PHKA2: variants seen among roughly 807,000 people sequenced by gnomAD.
PHKA2 encodes the protein phosphorylase kinase regulatory subunit alpha 2.
Under a neutral mutation model 102.0 loss-of-function variants are expected in PHKA2, and 31 were observed. The ratio of observed to expected loss-of-function variants is 0.30; its 90% CI spans 0.23 to 0.41. PHKA2 has a LOEUF of 0.41. PHKA2 is among the 10% of genes least tolerant of loss of function. PHKA2 has a pLI of 1.00. For missense variants in PHKA2, 858 were observed against 1,023.1 expected, an observed-to-expected ratio of 0.84 and a Z score of 2.20; for synonymous variants, 455 against 416.2, an observed-to-expected ratio of 1.09 and a Z score of -1.13.
chrX:18,948,641 C>T (rs1450339232), intron 5 of PHKA2, 103 bp downstream of exon 5: 3 of 562,185 alleles, frequency 5.3e-6, no homozygotes, highest in Non-Finnish European at 9.5e-6. Context: ...GTCTCGCTAA[C>T]CTTTTGGTGA....
intron 20 of PHKA2, among the ~76,000 whole-genome samples, chrX:18,909,843 T>C (rs2047892327): frequency 8.9e-6 from 1 of 112,386 alleles, no homozygotes; most frequent in Non-Finnish European, 1.9e-5. Flanking sequence ...TCACAAGAGC[T>C]AAGGAGGGGT....
chrX:18,944,931 G>A (rs2048554036), intron 6 of PHKA2, 147 bp downstream of exon 6: 1 of 522,018 alleles, frequency 1.9e-6, no homozygotes, highest in Non-Finnish European at 3.5e-6. Context: ...TCAGGTGGCT[G>A]GGGTAACTGT....
intron 19 of PHKA2, among the ~76,000 whole-genome samples, chrX:18,915,894 G>A (rs2147884449): frequency 9.0e-6 from 1 of 111,481 alleles, no homozygotes; most frequent in South Asian, 3.8e-4. Flanking sequence ...CAGAAAGAAA[G>A]AACAGAGAAA....
intron 1 of PHKA2, among the ~76,000 whole-genome samples, chrX:18,973,189 G>A (rs1481471264): frequency 1.7e-4 from 19 of 111,317 alleles, no homozygotes; most frequent in African/African-American, 6.2e-4. Flanking sequence ...ATTTTTAGTA[G>A]AGACGGGGTT....
At chrX:18,938,528 A>G in intron 10 of PHKA2, 99 bp downstream of exon 10, 1 of 886,140 alleles carries the variant, frequency 1.1e-6, no homozygotes. Flanking sequence ...GATAACCGAA[A>G]CAGTGACCTA....
chrX:18,917,360 G>A (rs967653155), intron 19 of PHKA2, among the ~76,000 whole-genome samples: 1 of 108,510 alleles, frequency 9.2e-6, no homozygotes, highest in Non-Finnish European at 1.9e-5. Context: ...CCGGGTTCAA[G>A]TGCTTCTTCT....
At chrX:18,938,577 T>C (rs1601757923) in intron 10 of PHKA2, 50 bp downstream of exon 10, 3 of 1,123,552 alleles carry the variant, frequency 2.7e-6, no homozygotes, top group Admixed American at 2.2e-5. Context: ...ATAATCAGTA[T>C]ACCAGTGGAA....
intron 19 of PHKA2, among the ~76,000 whole-genome samples, chrX:18,917,020 A>G (rs942311107): frequency 3.7e-5 from 4 of 108,891 alleles, no homozygotes; most frequent in Non-Finnish European, 5.7e-5. Flanking sequence ...GACTACAGGC[A>G]TGTGCCACCA....
chrX:18,899,169 T>C lies in PHKA2; in HGVS notation c.3111+4A>G. 1 of 1,205,541 alleles carries C rather than the reference T, an allele frequency of 8.3e-7. No homozygotes were observed. Among genetic ancestry groups the C allele is most frequent in the Non-Finnish European group, 1.1e-6 (1 of 889,917 alleles). The stretch of plus-strand genomic sequence containing the variant: ...CGGACACAATAATCCCGAGGCACTG[T>C]TACCGCAGACTTGGAGGAATGCGCA... On this transcript the variant is annotated splice_donor_region_variant and intron_variant, in intron 29 of 32. Transcript: ENST00000379942.
chrX:18,963,027 T>G (rs1311523455), intron 1 of PHKA2, among the ~76,000 whole-genome samples: 1 of 112,814 alleles, frequency 8.9e-6, no homozygotes, highest in African/African-American at 3.2e-5. Context: ...AATTTTTCCC[T>G]TTACTGAACT....
chrX:18,893,184 C>A lies in PHKA2; in HGVS notation c.*301G>T. ...AGTTCCCTCTGCACTCAAAAGAGAC[C>A]AATTTCCAATTCCTCCTCAGAGTCC... On this transcript the variant is annotated 3_prime_UTR_variant, in exon 33 of 33. Transcript: ENST00000379942. The A allele has an allele frequency of 2.7e-6, 1 of 363,806 alleles. No individual in the cohort carries two copies. The highest frequency in any genetic ancestry group is 4.9e-6 in the Non-Finnish European group (1 of 204,889). 30.0% of individuals were successfully genotyped at this position (363,806 alleles called of 1,213,427 possible).
Position 18,893,440 on chromosome X carries a change from G to T in PHKA2, c.*45C>A. 2.6e-6 allele frequency: 3 copies of T among 1,165,310 alleles called. No individual in the cohort carries two copies. Among genetic ancestry groups the T allele is most frequent in the Non-Finnish European group, 3.5e-6 (3 of 853,505 alleles). On this transcript the variant is annotated 3_prime_UTR_variant, in exon 33 of 33. Transcript: ENST00000379942. ...CAGAAGGTTCCCAGTAAGGCTAGGG[G>T]GCACGTGACAGATTGAGAGTGTGAT...
At chrX:18,897,104 G>A in intron 30 of PHKA2, 59 bp downstream of exon 30, 3 of 1,156,016 alleles carry the variant, frequency 2.6e-6, no homozygotes, top group Non-Finnish European at 3.5e-6. Context: ...GTGCCACCAT[G>A]CCTTGCCAGG....
intron 17 of PHKA2, among the ~76,000 whole-genome samples, chrX:18,922,115 A>C (rs760088627): frequency 9.0e-6 from 1 of 111,290 alleles, no homozygotes; most frequent in Admixed American, 9.5e-5. Flanking sequence ...GTGTGGTGGC[A>C]CATGCCTGTG....
chrX:18,942,256 T>C (rs900337972), intron 7 of PHKA2, among the ~76,000 whole-genome samples: 16 of 111,722 alleles, frequency 1.4e-4, no homozygotes, highest in African/African-American at 4.6e-4. Flanking sequence ...CAATTATAAA[T>C]AAGTGGCTGG....
chrX:18,912,871 A>G (rs1323352232), intron 19 of PHKA2, among the ~76,000 whole-genome samples: 2 of 110,878 alleles, frequency 1.8e-5, no homozygotes, highest in African/African-American at 6.6e-5. Context: ...AGATCATGCC[A>G]TTGCACTCCA....
At chrX:18,901,657 G>A (rs1315518978) in intron 26 of PHKA2, 54 bp from the exon 27 acceptor site, 13 of 836,734 alleles carry the variant, frequency 1.6e-5, no homozygotes, top group South Asian at 1.0e-4. Flanking sequence ...CATCCAACCC[G>A]AGGCAGGATC....
Position 18,983,994 on chromosome X carries a change from G to C in PHKA2, c.-62C>G, listed in dbSNP as rs1249423204. ...CGCGTGGGCGCGGGACGTCGGGGCT[G>C]TGGCCTCCAAGCGGGTCTGGTTCCC... On this transcript the variant is annotated 5_prime_UTR_variant, in exon 1 of 33. Transcript: ENST00000379942. The C allele has an allele frequency of 1.0e-6, 1 of 983,107 alleles. No individual in the cohort carries two copies. Among genetic ancestry groups the C allele is most frequent in the African/African-American group, 1.9e-5 (1 of 53,420 alleles). The allele number at this position is 983,107 out of a possible 1,213,427, so 81.0% of individuals were successfully genotyped here.
intron 11 of PHKA2, among the ~76,000 whole-genome samples, 160 bp from the exon 12 acceptor site, chrX:18,931,908 G>A: frequency 8.9e-6 from 1 of 112,533 alleles, no homozygotes; most frequent in Non-Finnish European, 1.9e-5. Context: ...CTTCCTCGGG[G>A]CTGCAAGGCT....
Sources: gnomAD v4.1 joint callset for allele counts (sites outside exome capture counted in the v4.1 genomes callset) on GRCh38, gnomAD v4.1.1 for gene constraint, MANE v1.5 for transcripts, NCBI Gene and HGNC (gene_info 2026-07-23, HGNC 2026-07-21) for gene names.